The following FARS2 variants were observed in gnomAD, a reference collection of about 807,000 sequenced individuals.
FARS2 encodes the protein phenylalanine--tRNA ligase, mitochondrial.
Under a neutral mutation model 46.4 loss-of-function variants are expected in FARS2, and 40 were observed. The observed-to-expected ratio is 0.86, with a 90% CI of 0.67 to 1.12. FARS2 has a LOEUF of 1.12. Among genes scored for constraint, FARS2 ranks in the 50% most tolerant of loss-of-function variants. The pLI, the probability that FARS2 is intolerant of heterozygous loss-of-function variation, is 0.00. For missense variants in FARS2, 513 were observed against 567.9 expected, an observed-to-expected ratio of 0.90 and a Z score of 0.98; for synonymous variants, 234 against 214.9, an observed-to-expected ratio of 1.09 and a Z score of -0.78.
chr6:5,307,312 T>G (rs2127542480), intron 1 of FARS2, among the ~76,000 whole-genome samples: 1 of 152,326 alleles, frequency 6.6e-6, no homozygotes, highest in South Asian at 2.1e-4. Flanking sequence ...AGGCCAGGCC[T>G]CTTCTTTCAT....
chr6:5,622,561 A>G (rs1775829062), intron 6 of FARS2, among the ~76,000 whole-genome samples: 1 of 152,192 alleles, frequency 6.6e-6, no homozygotes, highest in Admixed American at 6.5e-5. Context: ...GTGCCCTTAT[A>G]GAAGAGGCTT....
At chr6:5,648,566 C>T (rs975663033) in intron 6 of FARS2, among the ~76,000 whole-genome samples, 1 of 152,172 alleles carries the variant, frequency 6.6e-6, no homozygotes, top group Non-Finnish European at 1.5e-5. Context: ...AGGTGAGGGT[C>T]CTTCCTGGGT....
At chr6:5,375,255 A>G (rs1478847355) in intron 2 of FARS2, among the ~76,000 whole-genome samples, 4 of 152,072 alleles carry the variant, frequency 2.6e-5, no homozygotes, top group African/African-American at 4.8e-5. Context: ...AGAAAAATTA[A>G]TGTTTTTATC....
chr6:5,330,498 C>A (rs1305998677), intron 1 of FARS2, among the ~76,000 whole-genome samples: 1 of 152,048 alleles, frequency 6.6e-6, no homozygotes, highest in Non-Finnish European at 1.5e-5. Flanking sequence ...GGTGTTGCCT[C>A]CTACATGGTA....
At chr6:5,260,797 G>GA, upstream of FARS2, 1 of 1,533,698 alleles carries the variant, frequency 6.5e-7, no homozygotes, top group Admixed American at 2.0e-5. Flanking sequence ...CCCAACCCAC[G>GA]AAACTCCAGC....
intron 6 of FARS2, among the ~76,000 whole-genome samples, chr6:5,735,824 G>A (rs930936951): frequency 6.6e-6 from 1 of 152,138 alleles, no homozygotes; most frequent in Admixed American, 6.5e-5. Flanking sequence ...CCTGTCTGTG[G>A]CACCGTGCTT....
chr6:5,261,106 C>CCTCCGATATCCGTCCGCCA, upstream of FARS2: 1 of 271,926 alleles, frequency 3.7e-6, no homozygotes, highest in Non-Finnish European at 5.8e-6. Context: ...AAGCTCCTGG[C>CCTCCGATATCCGTCCGCCA]GGACGGATAT....
chr6:5,716,066 A>T (rs909235450), intron 6 of FARS2, among the ~76,000 whole-genome samples: 1 of 152,206 alleles, frequency 6.6e-6, no homozygotes, highest in African/African-American at 2.4e-5. Flanking sequence ...ATGGCCAGTA[A>T]TATTGAGAGT....
rs531411909 is a variant in FARS2, at chr6:5,769,994, AG to A, written c.1218-1295del. 2.7e-3 allele frequency among the ~76,000 whole-genome samples: 408 copies of A among 152,302 alleles called. 2 individuals are homozygous for A. Among genetic ancestry groups the A allele is most frequent in the African/African-American group, 9.3e-3 (385 of 41,572 alleles). On this transcript the variant is annotated intron_variant, in intron 6 of 6. Coordinates refer to ENST00000274680, the MANE Select transcript of FARS2 (RefSeq NM_006567.5). ...GGGCAGACTAGGGAGGCCAGGACCAAGGCAGACTCTCATGCACCAGGCATAT... is the reference window on the plus strand; with the variant it reads ...GGGCAGACTAGGGAGGCCAGGACCAAGCAGACTCTCATGCACCAGGCATAT...
intron 1 of FARS2, among the ~76,000 whole-genome samples, chr6:5,353,642 T>C (rs1475352308): frequency 6.6e-6 from 1 of 152,144 alleles, no homozygotes; most frequent in African/African-American, 2.4e-5. Flanking sequence ...TGATTTATGA[T>C]GTTGAACAGT....
intron 1 of FARS2, among the ~76,000 whole-genome samples, chr6:5,268,397 G>A (rs1055373789): frequency 6.6e-6 from 1 of 152,168 alleles, no homozygotes; most frequent in Non-Finnish European, 1.5e-5. Context: ...TGTAAGGAAG[G>A]GATCCAGTTT....
chr6:5,503,492 T>G (rs1233664655), intron 4 of FARS2, among the ~76,000 whole-genome samples: 4 of 151,708 alleles, frequency 2.6e-5, no homozygotes, highest in African/African-American at 9.7e-5. Context: ...CACTTCACTA[T>G]ACATTTGTAT....
At chr6:5,422,111 A>ACGGT (rs1762582946) in intron 3 of FARS2, among the ~76,000 whole-genome samples, 1 of 152,176 alleles carries the variant, frequency 6.6e-6, no homozygotes, top group African/African-American at 2.4e-5. Flanking sequence ...AGAAGGTGAA[A>ACGGT]GGCCCATCTG....
rs550395539 is a variant in FARS2 at position 5,592,673 on chromosome 6, C to T, written c.1066-20496C>T. On this transcript the variant is annotated intron_variant, in intron 5 of 6. Coordinates refer to ENST00000274680, the MANE Select transcript of FARS2 (RefSeq NM_006567.5). ...ATATGCTAGGCACCTGGAGAGATCC[C>T]GTATTTCAAAACAACCGATAGCCAG... 2.8e-4 allele frequency among the ~76,000 whole-genome samples: 42 copies of T among 152,238 alleles called. No homozygotes were observed. In the South Asian group the frequency reaches 7.9e-3, roughly 29 times the overall value.
chr6:5,576,371 C>G (rs1223888113), intron 5 of FARS2, among the ~76,000 whole-genome samples: 1 of 151,954 alleles, frequency 6.6e-6, no homozygotes, highest in Non-Finnish European at 1.5e-5. Flanking sequence ...CTAGACTGGC[C>G]TAGCCTCCCA....
intron 5 of FARS2, among the ~76,000 whole-genome samples, chr6:5,604,070 G>A (rs754962001): frequency 1.3e-4 from 20 of 152,188 alleles, no homozygotes; most frequent in Non-Finnish European, 2.6e-4. Context: ...AGGTGGATAG[G>A]AGATGGCTCC....
At position 5,609,726 on chromosome 6, in the gene FARS2, C is replaced by T. The variant is rs181808069; in HGVS notation, c.1066-3443C>T. On this transcript the variant is annotated intron_variant, in intron 5 of 6. Coordinates refer to ENST00000274680, the MANE Select transcript of FARS2 (RefSeq NM_006567.5). ...ACAGTCTTATCCACGGAGTCATGGT[C>T]GTCAAAAGTTACAAAGGCAAAGCCC... 7.2e-5 allele frequency: 108 copies of T among 1,498,048 alleles called. No individual in the cohort carries two copies. The African/African-American group carries it at 1.3e-3, about 18-fold the overall frequency. 92.8% of individuals were successfully genotyped at this position (1,498,048 alleles called of 1,614,324 possible). A position where few individuals can be genotyped will look rare whatever the true frequency, so the allele number is the denominator to read the frequency against.
chr6:5,633,910 A>G (rs542795893), intron 6 of FARS2, among the ~76,000 whole-genome samples: 1 of 152,244 alleles, frequency 6.6e-6, no homozygotes, highest in Admixed American at 6.5e-5. Flanking sequence ...ATACTAGTCC[A>G]TTTTATCTCA....
At chr6:5,540,761 T>A (rs1770579163) in intron 4 of FARS2, among the ~76,000 whole-genome samples, 1 of 152,226 alleles carries the variant, frequency 6.6e-6, no homozygotes, top group Non-Finnish European at 1.5e-5. Flanking sequence ...AGCGTGTTTG[T>A]CACGGGGAAA....
Sources: allele counts gnomAD v4.1 joint callset (sites outside exome capture counted in the v4.1 genomes callset), GRCh38; gene constraint gnomAD v4.1.1; transcripts MANE v1.5; gene names NCBI Gene and HGNC (gene_info 2026-07-23, HGNC 2026-07-21).